Variants in ERFL observed in about 807,000 individuals in gnomAD.
The protein encoded by ERFL is ETS repressor factor like.
Under a neutral mutation model 27.9 loss-of-function variants are expected in ERFL, and 8 were observed. The observed-to-expected ratio is 0.29, with a 90% CI of 0.17 to 0.52. The LOEUF (loss-of-function observed/expected upper bound fraction) is 0.52. Ranked by LOEUF, ERFL falls within the 20% of genes least tolerant of loss-of-function variation. The probability of loss-of-function intolerance (pLI) is 0.97; values close to 1 mark genes in which losing one functional copy is unlikely to be tolerated. For missense variants in ERFL, 294 were observed against 444.4 expected, an observed-to-expected ratio of 0.66 and a Z score of 3.04; for synonymous variants, 174 against 202.8, an observed-to-expected ratio of 0.86 and a Z score of 1.21.
chr19:41,912,165 G>A (rs1462428952), intron 2 of ERFL, among the ~76,000 whole-genome samples: 3 of 152,220 alleles, frequency 2.0e-5, no homozygotes, highest in African/African-American at 7.2e-5. Flanking sequence ...AGATGTGCAC[G>A]TACAAGCAAA....
At chr19:41,913,540 C>T (rs1210499953) in intron 1 of ERFL, among the ~76,000 whole-genome samples, 1 of 151,748 alleles carries the variant, frequency 6.6e-6, no homozygotes, top group Non-Finnish European at 1.5e-5. Context: ...ACCCCCTCCT[C>T]CAGTCCTCTA....
chr19:41,912,978 G>T, intron 1 of ERFL, 46 bp from the exon 2 acceptor site: 1 of 911,814 alleles, frequency 1.1e-6, no homozygotes. Flanking sequence ...GGGCAGGAGA[G>T]ACAGACACAG....
intron 1 of ERFL, among the ~76,000 whole-genome samples, chr19:41,927,824 G>T (rs562444932): frequency 6.7e-6 from 1 of 148,756 alleles, no homozygotes; most frequent in South Asian, 2.1e-4. Context: ...TCCCGAGGCC[G>T]CACCTCTAGC....
rs1388533516 is a variant in ERFL, at chr19:41,916,631, C to A, written c.-13-3699G>T. ...CCAAGCACACAATCGCACACTGAGA[C>A]AACAGCACACAGAAACAGACACACA... On this transcript the variant is annotated intron_variant, in intron 1 of 5. Transcript: ENST00000597630. The surrounding 1 kb of genome is among the most constrained non-coding windows in gnomAD (Gnocchi z 5.4). Among the ~76,000 whole-genome samples, 4 of 152,110 alleles carry A rather than the reference C, an allele frequency of 2.6e-5. No homozygotes were observed. In the East Asian group the frequency reaches 7.7e-4, roughly 29 times the overall value.
Position 41,907,797 on chromosome 19 carries a change from T to G in ERFL, c.*431A>C. 6.0e-6 allele frequency: 1 copy of G among 166,008 alleles called. No homozygotes were observed. The allele number at this position is 166,008 out of a possible 1,614,324, so 10.3% of individuals were successfully genotyped here. On this transcript the variant is annotated 3_prime_UTR_variant, in exon 6 of 6. Transcript: ENST00000597630. Reference sequence around the variant, plus strand: ...GGTGGGGAGGGGGGCCCCTCCTGGGTGGGGGCTGGGGGCGGGGTTATTGCT... The same window carrying G: ...GGTGGGGAGGGGGGCCCCTCCTGGGGGGGGGCTGGGGGCGGGGTTATTGCT...
At chr19:41,920,403 C>T (rs1484550953) in intron 1 of ERFL, among the ~76,000 whole-genome samples, 1 of 133,544 alleles carries the variant, frequency 7.5e-6, no homozygotes, top group African/African-American at 3.0e-5. Context: ...CCAGATGTGA[C>T]ACACTCACAG....
At chr19:41,927,611 A>G (rs1555853383) in intron 1 of ERFL, among the ~76,000 whole-genome samples, 1 of 152,014 alleles carries the variant, frequency 6.6e-6, no homozygotes, top group African/African-American at 2.4e-5. Flanking sequence ...TAGGTCCCAA[A>G]TATGCAAGCC....
chr19:41,909,049 C>G lies in ERFL; in HGVS notation c.616+11G>C. The G allele has an allele frequency of 8.2e-7, 1 of 1,218,524 alleles. No homozygotes were observed. The highest frequency in any genetic ancestry group is 4.2e-5 in the South Asian group (1 of 23,994). The allele number at this position is 1,218,524 out of a possible 1,614,324, so 75.5% of individuals were successfully genotyped here. ...TGTGCCCCCAGCACCCCAGAACCTCCAGGCTCTTACCAGAGCCCAGGAATG... is the reference window on the plus strand; with the variant it reads ...TGTGCCCCCAGCACCCCAGAACCTCGAGGCTCTTACCAGAGCCCAGGAATG... On this transcript the variant is annotated intron_variant, in intron 5 of 5. Coordinates refer to ENST00000597630, the MANE Select transcript of ERFL (RefSeq NM_001365103.2). The surrounding 1 kb of genome is among the most constrained non-coding windows in gnomAD (Gnocchi z 5.2).
chr19:41,911,200 C>G (rs1270703404), intron 2 of ERFL, among the ~76,000 whole-genome samples: 1 of 152,152 alleles, frequency 6.6e-6, no homozygotes, highest in African/African-American at 2.4e-5. Flanking sequence ...ACTCCACTGT[C>G]CACATACCCC....
rs1555852065 is a variant in ERFL, at chr19:41,917,669, C to T, written c.-13-4737G>A. On this transcript the variant is annotated intron_variant, in intron 1 of 5. Coordinates refer to ENST00000597630, the MANE Select transcript of ERFL (RefSeq NM_001365103.2). This position sits in a 1 kb window ranked among gnomAD's most constrained non-coding sequence, Gnocchi z 4.8. The stretch of plus-strand genomic sequence containing the variant: ...ACACGCACGCACGCACACACACACC[C>T]TGACTGCACCCACCCATGGCCACAC... Among the ~76,000 whole-genome samples the T allele has an allele frequency of 4.0e-5, 6 of 151,828 alleles. No individual in the cohort carries two copies. The highest frequency in any genetic ancestry group is 8.8e-5 in the Non-Finnish European group (6 of 67,942).
chr19:41,908,075 C>A lies in ERFL; in HGVS notation c.*153G>T. 1 of 513,672 alleles carries A rather than the reference C, an allele frequency of 1.9e-6. No homozygotes were observed. Among genetic ancestry groups the A allele is most frequent in the Non-Finnish European group, 3.0e-6 (1 of 332,726 alleles). The allele number at this position is 513,672 out of a possible 1,614,324, so 31.8% of individuals were successfully genotyped here. ...CTGTGGAGGGGGAAGTGAGACCCCC[C>A]CCACTCTGGGGCTGGGGAAGGAGAC... On this transcript the variant is annotated 3_prime_UTR_variant, in exon 6 of 6. Coordinates refer to ENST00000597630, the MANE Select transcript of ERFL (RefSeq NM_001365103.2). The surrounding 1 kb of genome is among the most constrained non-coding windows in gnomAD (Gnocchi z 6.7).
chr19:41,916,278 CAACA>C lies in ERFL; in HGVS notation c.-13-3350_-13-3347del, dbSNP rs2074800916. On this transcript the variant is annotated intron_variant, in intron 1 of 5. Transcript: ENST00000597630. This position sits in a 1 kb window ranked among gnomAD's most constrained non-coding sequence, Gnocchi z 5.4. ...CCACACACTGCATGAGCCCACATGT[CAACA>C]AAGTCACACACAGCACCACGTCCCA... 7.8e-6 allele frequency among the ~76,000 whole-genome samples: 1 copy of C among 128,674 alleles called. No homozygotes were observed. The highest frequency in any genetic ancestry group is 5.0e-5 in the African/African-American group (1 of 20,100). The allele number at this position is 128,674 out of a possible 152,430, so 84.4% of individuals were successfully genotyped here.
chr19:41,916,358 C>T lies in ERFL; in HGVS notation c.-13-3426G>A, dbSNP rs1183693521. The stretch of plus-strand genomic sequence containing the variant: ...AGCAACGCATACCACTGCTGCCACA[C>T]ACAACCCACATCACACAGATGCATG... On this transcript the variant is annotated intron_variant, in intron 1 of 5. Transcript: ENST00000597630. This position sits in a 1 kb window ranked among gnomAD's most constrained non-coding sequence, Gnocchi z 5.4. 6.6e-6 allele frequency among the ~76,000 whole-genome samples: 1 copy of T among 152,138 alleles called. No homozygotes were observed. Among genetic ancestry groups the T allele is most frequent in the East Asian group, 1.9e-4 (1 of 5,198 alleles).
intron 1 of ERFL, among the ~76,000 whole-genome samples, chr19:41,918,096 A>G (rs1886900041): frequency 1.3e-5 from 2 of 151,140 alleles, no homozygotes; most frequent in South Asian, 4.2e-4. Context: ...ATGCCCCCCC[A>G]TCCCGGACGC....
chr19:41,924,622 G>A (rs2074861275), intron 1 of ERFL, among the ~76,000 whole-genome samples: 1 of 152,158 alleles, frequency 6.6e-6, no homozygotes, highest in Non-Finnish European at 1.5e-5. Flanking sequence ...GCTACTCAGA[G>A]AATGATACCT....
chr19:41,912,793 C>A (rs2074761209), intron 2 of ERFL, 60 bp downstream of exon 2: 1 of 388,636 alleles, frequency 2.6e-6, no homozygotes, highest in Non-Finnish European at 3.5e-6. Flanking sequence ...AAGGGGGATG[C>A]GGCTCACTGG....
chr19:41,908,551 G>A lies in ERFL; in HGVS notation c.742C>T (p.Pro248Ser), dbSNP rs1167308823. The A allele has an allele frequency of 6.5e-6, 8 of 1,231,732 alleles. No homozygotes were observed. The African/African-American group carries it at 7.8e-5, about 12-fold the overall frequency. 76.3% of individuals were successfully genotyped at this position (1,231,732 alleles called of 1,614,324 possible). A position where few individuals can be genotyped will look rare whatever the true frequency, so the allele number is the denominator to read the frequency against. Reference protein sequence around the residue: ...PFPKLPPSLYPPHFYPNPLAS... With the variant: ...PFPKLPPSLYSPHFYPNPLAS... ...AGAGGGTTGGGGTAGAAATGCGGGG[G>A]GTAGAGAGAGGGAGGCAGCTTGGGG... Residue 248 changes from proline (P) to serine (S), a missense_variant, in exon 6 of 6, where the codon CCC (proline) becomes TCC (serine). Transcript: ENST00000597630. This position sits in a 1 kb window ranked among gnomAD's most constrained non-coding sequence, Gnocchi z 6.7.
chr19:41,914,966 C>G lies in ERFL; in HGVS notation c.-13-2034G>C, dbSNP rs1285536587. On this transcript the variant is annotated intron_variant, in intron 1 of 5. Transcript: ENST00000597630. ...CCCTCCTCTTCCACTATCTCTGTCT[C>G]TCCCTCCCTCCCCCTCCAGCATCTC... Among the ~76,000 whole-genome samples, 10 of 82,664 alleles carry G rather than the reference C, an allele frequency of 1.2e-4. 1 individual carries two copies. Among genetic ancestry groups the G allele is most frequent in the African/African-American group, 1.0e-3 (10 of 9,802 alleles). 54.2% of individuals were successfully genotyped at this position (82,664 alleles called of 152,430 possible). A position where few individuals can be genotyped will look rare whatever the true frequency, so the allele number is the denominator to read the frequency against.
At chr19:41,920,082 C>A (rs2074830608) in intron 1 of ERFL, among the ~76,000 whole-genome samples, 1 of 129,768 alleles carries the variant, frequency 7.7e-6, no homozygotes, top group African/African-American at 3.0e-5. Flanking sequence ...CACTCACAGA[C>A]ATGACACGCT....
Sources: gnomAD v4.1 joint callset for allele counts (sites outside exome capture counted in the v4.1 genomes callset) on GRCh38, gnomAD v4.1.1 for gene constraint, Gnocchi (gnomAD v3.1) non-coding constraint, MANE v1.5 for transcripts, NCBI Gene and HGNC (gene_info 2026-07-23, HGNC 2026-07-21) for gene names.